ARHGEF26: variants seen among roughly 807,000 people sequenced by gnomAD.
ARHGEF26 encodes Rho guanine nucleotide exchange factor (GEF) 26.
ARHGEF26 carries 59 observed loss-of-function variants against 89.4 expected under a neutral mutation model. That is an observed-to-expected ratio of 0.66 (90% CI 0.54 to 0.82). The LOEUF (loss-of-function observed/expected upper bound fraction) is 0.82. ARHGEF26 is among the 40% of genes least tolerant of loss of function. ARHGEF26 has a pLI of 0.00. For synonymous variants in ARHGEF26, 500 were observed against 428.4 expected (o/e 1.17, Z -2.06); for missense variants, 1,234 against 1,085.6 (o/e 1.14, Z -1.92).
At chr3:154,184,552 G>A (rs945369900) in intron 6 of ARHGEF26, among the ~76,000 whole-genome samples, 1 of 152,120 alleles carries the variant, frequency 6.6e-6, no homozygotes, top group Non-Finnish European at 1.5e-5. Flanking sequence ...TATTGACCGG[G>A]TGGAAACCTT....
intron 9 of ARHGEF26, among the ~76,000 whole-genome samples, chr3:154,212,577 C>T (rs376861410): frequency 1.7e-4 from 20 of 120,448 alleles, no homozygotes; most frequent in East Asian, 1.4e-3. Context: ...TCATGGAAGA[C>T]GATTTTTCCA....
chr3:154,132,975 C>T (rs1201902090), intron 4 of ARHGEF26, among the ~76,000 whole-genome samples: 1 of 152,064 alleles, frequency 6.6e-6, no homozygotes, highest in Non-Finnish European at 1.5e-5. Context: ...CCTTCACTTC[C>T]TGCTAAGGAG....
intron 12 of ARHGEF26, among the ~76,000 whole-genome samples, chr3:154,247,439 A>C (rs1247709730): frequency 1.3e-5 from 2 of 152,158 alleles, no homozygotes; most frequent in African/African-American, 2.4e-5. Context: ...TTCCTAGGTC[A>C]ACCACATGGC....
intron 6 of ARHGEF26, among the ~76,000 whole-genome samples, chr3:154,157,740 A>G (rs1284049268): frequency 6.6e-6 from 1 of 152,068 alleles, no homozygotes; most frequent in Non-Finnish European, 1.5e-5. Context: ...ATCATTGGAA[A>G]TTGTATTAAC....
rs1718451279 is a variant in ARHGEF26, at chr3:154,255,616, T to G, written c.*143T>G. ...ACTTGCCTTTAAGCTTGCCAGGTTGTTCTGCTCTCTCATGAGAAGAGCTTG... is the reference window on the plus strand; with the variant it reads ...ACTTGCCTTTAAGCTTGCCAGGTTGGTCTGCTCTCTCATGAGAAGAGCTTG... On this transcript the variant is annotated 3_prime_UTR_variant, in exon 15 of 15. Coordinates refer to ENST00000465093, the MANE Select transcript of ARHGEF26 (RefSeq NM_015595.4). The G allele has an allele frequency of 6.9e-7, 1 of 1,449,698 alleles. No individual in the cohort carries two copies. Among genetic ancestry groups the G allele is most frequent in the African/African-American group, 1.4e-5 (1 of 69,800 alleles). The allele number at this position is 1,449,698 out of a possible 1,614,324, so 89.8% of individuals were successfully genotyped here. A position where few individuals can be genotyped will look rare whatever the true frequency, so the allele number is the denominator to read the frequency against.
At chr3:154,170,490 T>C (rs1378038492) in intron 6 of ARHGEF26, among the ~76,000 whole-genome samples, 1 of 152,218 alleles carries the variant, frequency 6.6e-6, no homozygotes, top group African/African-American at 2.4e-5. Flanking sequence ...TTTTGAAAGT[T>C]GCTGACAGTG....
At chr3:154,195,166 G>C (rs1714214774) in intron 9 of ARHGEF26, among the ~76,000 whole-genome samples, 1 of 152,220 alleles carries the variant, frequency 6.6e-6, no homozygotes, top group South Asian at 2.1e-4. Context: ...GTCCACAGTG[G>C]TGTCTAAGCT....
chr3:154,193,864 T>G (rs1714111098), intron 8 of ARHGEF26, among the ~76,000 whole-genome samples: 1 of 150,736 alleles, frequency 6.6e-6, no homozygotes, highest in Non-Finnish European at 1.5e-5. Flanking sequence ...CTGTTTTTTC[T>G]TTGAGATGCT....
chr3:154,139,726 A>C (rs1719241535), intron 4 of ARHGEF26, among the ~76,000 whole-genome samples: 1 of 152,204 alleles, frequency 6.6e-6, no homozygotes, highest in Non-Finnish European at 1.5e-5. Flanking sequence ...TCTTTAAATA[A>C]GGAATCCTTA....
At chr3:154,205,428 A>C (rs1714957568) in intron 9 of ARHGEF26, among the ~76,000 whole-genome samples, 1 of 152,064 alleles carries the variant, frequency 6.6e-6, no homozygotes, top group Admixed American at 6.6e-5. Flanking sequence ...TCTTGTAGGC[A>C]ACAGATCAAT....
chr3:154,214,634 G>A (rs1715602770), intron 9 of ARHGEF26, among the ~76,000 whole-genome samples: 1 of 152,162 alleles, frequency 6.6e-6, no homozygotes, highest in South Asian at 2.1e-4. Flanking sequence ...GAGGTGCCGT[G>A]TAGATAGTTG....
intron 11 of ARHGEF26, among the ~76,000 whole-genome samples, chr3:154,234,492 G>T (rs1177565773): frequency 1.3e-5 from 2 of 151,980 alleles, no homozygotes; most frequent in Non-Finnish European, 2.9e-5. Flanking sequence ...CCAGAGCTTG[G>T]GTCCAAGGAA....
chr3:154,241,495 G>A lies in ARHGEF26; in HGVS notation c.2300+916G>A, dbSNP rs72994657. On this transcript the variant is annotated intron_variant, in intron 12 of 14. Coordinates refer to ENST00000465093, the MANE Select transcript of ARHGEF26 (RefSeq NM_015595.4). ...AAAGAGGTATCTTCACCTTAAGACTGATTTTAACAGTGTTCCTAGATGATT... is the reference window on the plus strand; with the variant it reads ...AAAGAGGTATCTTCACCTTAAGACTAATTTTAACAGTGTTCCTAGATGATT... Among the ~76,000 whole-genome samples the A allele has an allele frequency of 5.3e-3, 801 of 152,284 alleles. 9 individuals are homozygous for A. The highest frequency in any genetic ancestry group is 0.018 in the African/African-American group (763 of 41,532).
At chr3:154,204,538 C>T (rs774078285) in intron 9 of ARHGEF26, among the ~76,000 whole-genome samples, 9 of 151,786 alleles carry the variant, frequency 5.9e-5, no homozygotes, top group Non-Finnish European at 1.3e-4. Flanking sequence ...ACCATGTTGG[C>T]AGGCTGATCT....
chr3:154,187,889 G>A, intron 7 of ARHGEF26, 52 bp downstream of exon 7: 1 of 1,472,106 alleles, frequency 6.8e-7, no homozygotes, highest in Non-Finnish European at 9.1e-7. Context: ...GTTTTAATTA[G>A]GCTACATTGA....
intron 11 of ARHGEF26, among the ~76,000 whole-genome samples, chr3:154,232,501 A>T (rs1295380539): frequency 1.3e-5 from 2 of 152,160 alleles, no homozygotes; most frequent in South Asian, 2.1e-4. Context: ...CAAATTGTGG[A>T]TTTCTTGACA....
intron 12 of ARHGEF26, among the ~76,000 whole-genome samples, chr3:154,249,238 C>T (rs1403154217): frequency 6.6e-6 from 1 of 152,176 alleles, no homozygotes; most frequent in African/African-American, 2.4e-5. Flanking sequence ...ATTTCAAAGC[C>T]TACTTCCTAC....
At position 154,160,287 on chromosome 3, in the gene ARHGEF26, G is replaced by T. The variant is rs569451284; in HGVS notation, c.1487+7355G>T. Among the ~76,000 whole-genome samples the T allele has an allele frequency of 1.6e-3, 240 of 152,240 alleles. 1 individual carries two copies. Among genetic ancestry groups the T allele is most frequent in the Non-Finnish European group, 2.6e-3 (179 of 67,992 alleles). ...ACCAGTGTCTGGAGTAATAGTAAAA[G>T]AAATAGGTAGTTGTTTAGGTATTAT... On this transcript the variant is annotated intron_variant, in intron 6 of 14. Transcript: ENST00000465093.
chr3:154,229,624 A>C (rs1365808655), intron 11 of ARHGEF26, among the ~76,000 whole-genome samples: 1 of 152,156 alleles, frequency 6.6e-6, no homozygotes, highest in Non-Finnish European at 1.5e-5. Context: ...CTGTGCAATA[A>C]TGTAGGATGT....
Sources: gnomAD v4.1 joint callset for allele counts (sites outside exome capture counted in the v4.1 genomes callset) on GRCh38, gnomAD v4.1.1 for gene constraint, MANE v1.5 for transcripts, NCBI Gene and HGNC (gene_info 2026-07-23, HGNC 2026-07-21) for gene names.